The following CDH18 variants were observed in gnomAD, a reference collection of about 807,000 sequenced individuals.
CDH18 encodes the protein cadherin 18, also known as cadherin-18.
In CDH18, 31 loss-of-function variants were observed where a neutral mutation model predicts 67.9. The observed-to-expected ratio is 0.46, with a 90% CI of 0.34 to 0.62. CDH18 has a LOEUF of 0.62. CDH18 is among the 20% of genes least tolerant of loss of function. The pLI is 0.01. For missense variants in CDH18, 890 were observed against 975.5 expected, an observed-to-expected ratio of 0.91 and a Z score of 1.17; for synonymous variants, 362 against 347.2, an observed-to-expected ratio of 1.04 and a Z score of -0.48.
intron 5 of CDH18, among the ~76,000 whole-genome samples, chr5:19,615,508 A>G (rs565443710): frequency 1.5e-3 from 230 of 152,280 alleles, no homozygotes; most frequent in Non-Finnish European, 2.2e-3. Context: ...CCATACCAGA[A>G]TGGTACATTT....
intron 4 of CDH18, among the ~76,000 whole-genome samples, chr5:19,721,952 C>G (rs1383835039): frequency 6.6e-6 from 1 of 152,162 alleles, no homozygotes; most frequent in African/African-American, 2.4e-5. Context: ...TCACAACACT[C>G]CATTCAAGTC....
intron 2 of CDH18, among the ~76,000 whole-genome samples, chr5:20,140,587 C>A (rs1750168080): frequency 6.6e-6 from 1 of 152,100 alleles, no homozygotes; most frequent in South Asian, 2.1e-4. Context: ...GATGCAACTT[C>A]CAACAATTCA....
intron 1 of CDH18, among the ~76,000 whole-genome samples, chr5:20,475,845 C>A (rs1229085579): frequency 6.6e-6 from 1 of 152,094 alleles, no homozygotes; most frequent in Non-Finnish European, 1.5e-5. Context: ...ATACTTAATA[C>A]AGAATATTAG....
Position 19,870,923 on chromosome 5 carries a change from T to C in CDH18, c.-256-31681A>G, listed in dbSNP as rs1054647789. 3.3e-5 allele frequency among the ~76,000 whole-genome samples: 5 copies of C among 152,288 alleles called. No individual in the cohort carries two copies. In the East Asian group the frequency reaches 9.7e-4, roughly 29 times the overall value. On this transcript the variant is annotated intron_variant, in intron 2 of 12. Transcript: ENST00000382275. The stretch of plus-strand genomic sequence containing the variant: ...CTTTGTATGCTTCTACAACATAGCA[T>C]ACATTTTAGATTTTCCATTTATTAT...
At chr5:19,699,636 G>C (rs61354724) in intron 5 of CDH18, among the ~76,000 whole-genome samples, 47,106 of 147,522 alleles carry the variant, frequency 0.32, 7,680 homozygotes, top group African/African-American at 0.37. Flanking sequence ...GTGTGTGTGT[G>C]TGTGTCTGTG....
At chr5:20,151,593 C>T (rs1751108592) in intron 2 of CDH18, among the ~76,000 whole-genome samples, 1 of 152,120 alleles carries the variant, frequency 6.6e-6, no homozygotes, top group South Asian at 2.1e-4. Flanking sequence ...AACTAATTTA[C>T]ATTCTCACCA....
chr5:19,858,611 G>C (rs1346467753), intron 2 of CDH18, among the ~76,000 whole-genome samples: 1 of 152,158 alleles, frequency 6.6e-6, no homozygotes, highest in Non-Finnish European at 1.5e-5. Flanking sequence ...AGTCTATGCT[G>C]TGAGAAAGTG....
chr5:19,840,288 G>GAAAAAAAAAAAAAAAAAAAAAAAAAAA (rs70954608), intron 2 of CDH18, among the ~76,000 whole-genome samples: 3 of 128,056 alleles, frequency 2.3e-5, no homozygotes, highest in Non-Finnish European at 3.1e-5. Context: ...AAAAAAAAAA[G>GAAAAAAAAAAAAAAAAAAAAAAAAAAA]AAAAAAAAAA....
chr5:19,809,176 C>T (rs1406496822), intron 3 of CDH18, among the ~76,000 whole-genome samples: 2 of 151,978 alleles, frequency 1.3e-5, no homozygotes, highest in African/African-American at 2.4e-5. Flanking sequence ...AAATACAATA[C>T]AAGCAATCTA....
chr5:19,966,308 T>C (rs1207339894), intron 2 of CDH18, among the ~76,000 whole-genome samples: 1 of 152,112 alleles, frequency 6.6e-6, no homozygotes, highest in African/African-American at 2.4e-5. Context: ...GAGAAAAACA[T>C]GTCACAATTT....
At chr5:20,474,655 T>G (rs1269875037) in intron 1 of CDH18, among the ~76,000 whole-genome samples, 2 of 152,196 alleles carry the variant, frequency 1.3e-5, no homozygotes, top group African/African-American at 2.4e-5. Flanking sequence ...AAATAGTGAT[T>G]GACCTTAATT....
chr5:20,186,220 T>C (rs1738089897), intron 2 of CDH18, among the ~76,000 whole-genome samples: 1 of 152,018 alleles, frequency 6.6e-6, no homozygotes, highest in Admixed American at 6.6e-5. Context: ...ATGGGAAACA[T>C]TGTCATGGCA....
chr5:20,564,260 T>TCTTATTTATTTATTTA (rs140562073), intron 1 of CDH18, among the ~76,000 whole-genome samples: 1 of 141,596 alleles, frequency 7.1e-6, no homozygotes, highest in Non-Finnish European at 1.5e-5. Flanking sequence ...ATTATCACAG[T>TCTTATTTATTTATTTA]TTTATTTATT....
chr5:20,076,215 A>G (rs1311448138), intron 2 of CDH18, among the ~76,000 whole-genome samples: 1 of 152,124 alleles, frequency 6.6e-6, no homozygotes, highest in Non-Finnish European at 1.5e-5. Flanking sequence ...AATAACACAT[A>G]TCAGGTATAT....
chr5:19,495,737 AAAAAAG>A (rs1192502217), intron 11 of CDH18, among the ~76,000 whole-genome samples: 2 of 148,646 alleles, frequency 1.3e-5, no homozygotes, highest in African/African-American at 2.5e-5. Flanking sequence ...AAAAAAAAAA[AAAAAAG>A]AAAGAAAGAA....
chr5:20,304,179 A>G, intron 1 of CDH18: 1 of 1,529,016 alleles, frequency 6.5e-7, no homozygotes, highest in East Asian at 2.2e-5. Context: ...CAGACAATAA[A>G]AACGTTATTT....
chr5:19,931,233 C>A (rs1272833799), intron 2 of CDH18, among the ~76,000 whole-genome samples: 1 of 151,838 alleles, frequency 6.6e-6, no homozygotes, highest in Non-Finnish European at 1.5e-5. Flanking sequence ...TCTTCAATGG[C>A]AATTTTATGT....
Position 20,045,578 on chromosome 5 carries a change from C to CATAT in CDH18, c.-517-53568_-517-53565dup, listed in dbSNP as rs140756473. 3.5e-3 allele frequency among the ~76,000 whole-genome samples: 523 copies of CATAT among 149,470 alleles called. 4 individuals are homozygous for CATAT. Among genetic ancestry groups the CATAT allele is most frequent in the African/African-American group, 0.011 (430 of 40,804 alleles). On this transcript the variant is annotated intron_variant, in intron 2 of 14. Coordinates refer to the CDH18 transcript ENST00000507958. The stretch of plus-strand genomic sequence containing the variant: ...TAAGGTCATGCAAAAATAGAAAACA[C>CATAT]ATATATATATATATATGAAAAAATA...
At chr5:20,163,361 T>C (rs1736044598) in intron 2 of CDH18, among the ~76,000 whole-genome samples, 1 of 152,194 alleles carries the variant, frequency 6.6e-6, no homozygotes, top group Non-Finnish European at 1.5e-5. Flanking sequence ...TTTCATAGTT[T>C]ATTCAGATCA....
Sources: gnomAD v4.1 joint callset for allele counts (sites outside exome capture counted in the v4.1 genomes callset) on GRCh38, gnomAD v4.1.1 for gene constraint, MANE v1.5 for transcripts, NCBI Gene and HGNC (gene_info 2026-07-23, HGNC 2026-07-21) for gene names.